GUCY1A2: variants seen among roughly 807,000 people sequenced by gnomAD.
The protein encoded by GUCY1A2 is guanylate cyclase 1 soluble subunit alpha 2, also known as guanylate cyclase soluble subunit alpha-2.
Under a neutral mutation model 63.5 loss-of-function variants are expected in GUCY1A2, and 27 were observed. The ratio of observed to expected loss-of-function variants is 0.43; its 90% CI spans 0.31 to 0.59. The LOEUF is 0.59. Ranked by LOEUF, GUCY1A2 falls within the 20% of genes least tolerant of loss-of-function variation. The pLI, the probability that GUCY1A2 is intolerant of heterozygous loss-of-function variation, is 0.11. For missense variants in GUCY1A2, 768 were observed against 913.3 expected, an observed-to-expected ratio of 0.84 and a Z score of 2.05; for synonymous variants, 364 against 343.5, an observed-to-expected ratio of 1.06 and a Z score of -0.66.
chr11:106,955,430 GTACCTGGTACTGGTTTTTCCTTTCCA>G (rs1366779797), intron 3 of GUCY1A2, among the ~76,000 whole-genome samples: 2 of 152,294 alleles, frequency 1.3e-5, no homozygotes, highest in East Asian at 3.9e-4. Context: ...TGTTTTTGCA[GTACCTGGTACTGGTTTTTCCTTTCCA>G]TATTTAGTGC....
rs1862413878 is a variant in GUCY1A2 at position 106,680,474 on chromosome 11, G to A, written c.*7075C>T. 4.9e-6 allele frequency: 1 copy of A among 203,930 alleles called. No individual in the cohort carries two copies. The highest frequency in any genetic ancestry group is 1.0e-5 in the Non-Finnish European group (1 of 99,688). 12.6% of individuals were successfully genotyped at this position (203,930 alleles called of 1,614,324 possible). On this transcript the variant is annotated 3_prime_UTR_variant, in exon 8 of 8. Transcript: ENST00000526355. ...ACCTGCCATTTGGTTTTTCTTTTCT[G>A]CTTTTAAATAATAAGCAACAATACT...
chr11:106,912,643 T>C (rs1860311707), intron 4 of GUCY1A2, among the ~76,000 whole-genome samples: 1 of 152,114 alleles, frequency 6.6e-6, no homozygotes, highest in African/African-American at 2.4e-5. Flanking sequence ...GGCTTGAGAA[T>C]AAGCTTGGCA....
chr11:106,775,683 C>T (rs1427183886), intron 6 of GUCY1A2, among the ~76,000 whole-genome samples: 1 of 150,806 alleles, frequency 6.6e-6, no homozygotes, highest in Non-Finnish European at 1.5e-5. Flanking sequence ...TTAGCCATTT[C>T]CTGTGCCCGC....
intron 4 of GUCY1A2, among the ~76,000 whole-genome samples, chr11:106,879,323 T>C (rs1565318398): frequency 1.3e-5 from 2 of 152,112 alleles, no homozygotes; most frequent in Admixed American, 6.6e-5. Flanking sequence ...GCTACTGTCC[T>C]TGTCCTCTAG....
At chr11:106,859,124 G>T (rs1859474864) in intron 4 of GUCY1A2, among the ~76,000 whole-genome samples, 1 of 151,988 alleles carries the variant, frequency 6.6e-6, no homozygotes, top group Non-Finnish European at 1.5e-5. Context: ...TAAAATTAAT[G>T]AATTCAGATT....
At chr11:106,742,223 GCAGGTTTGTTA>G (rs1863706583) in intron 6 of GUCY1A2, among the ~76,000 whole-genome samples, 1 of 152,158 alleles carries the variant, frequency 6.6e-6, no homozygotes, top group African/African-American at 2.4e-5. Context: ...TGCAGGATGT[GCAGGTTTGTTA>G]CACAGATAAA....
intron 4 of GUCY1A2, among the ~76,000 whole-genome samples, chr11:106,871,787 G>T (rs1859681626): frequency 6.6e-6 from 1 of 152,114 alleles, no homozygotes; most frequent in Admixed American, 6.6e-5. Context: ...TATACTATTT[G>T]ATCTGGGTAA....
In GUCY1A2 at chr11:106,681,502, G is replaced by T. The variant is rs780241973; in HGVS notation, c.*6047C>A. On this transcript the variant is annotated 3_prime_UTR_variant, in exon 8 of 8. Transcript: ENST00000526355. Reference sequence around the variant, plus strand: ...TACACAAATCTCTTTGACAGGAATAGAAATCATATTTTTATAGCCATGTTT... The same window carrying T: ...TACACAAATCTCTTTGACAGGAATATAAATCATATTTTTATAGCCATGTTT... 7.7e-5 allele frequency: 17 copies of T among 220,126 alleles called. No individual in the cohort carries two copies. Among genetic ancestry groups the T allele is most frequent in the Non-Finnish European group, 1.5e-4 (16 of 109,828 alleles). 13.6% of individuals were successfully genotyped at this position (220,126 alleles called of 1,614,324 possible).
At chr11:106,854,486 G>A (rs1474769715) in intron 4 of GUCY1A2, among the ~76,000 whole-genome samples, 2 of 152,156 alleles carry the variant, frequency 1.3e-5, no homozygotes, top group African/African-American at 4.8e-5. Context: ...AGTGGACAAG[G>A]GGGCATGTGG....
intron 5 of GUCY1A2, among the ~76,000 whole-genome samples, chr11:106,793,388 G>T (rs929455806): frequency 3.3e-5 from 5 of 152,126 alleles, no homozygotes; most frequent in Admixed American, 2.0e-4. Context: ...TCCCAAAACT[G>T]TAAAACTTTT....
intron 1 of GUCY1A2, among the ~76,000 whole-genome samples, chr11:107,001,995 G>C (rs1369471940): frequency 6.6e-6 from 1 of 151,582 alleles, no homozygotes; most frequent in Non-Finnish European, 1.5e-5. Context: ...CAGCAGCCTG[G>C]GCGACAGAGT....
intron 6 of GUCY1A2, among the ~76,000 whole-genome samples, chr11:106,713,707 C>T (rs180978846): frequency 4.0e-5 from 6 of 151,784 alleles, no homozygotes; most frequent in Admixed American, 2.6e-4. Flanking sequence ...AGGGTTTTAC[C>T]GTGTTAGCCA....
At chr11:106,931,544 T>G (rs1860602202) in intron 4 of GUCY1A2, among the ~76,000 whole-genome samples, 1 of 151,324 alleles carries the variant, frequency 6.6e-6, no homozygotes, top group Admixed American at 6.6e-5. Flanking sequence ...TATGTGAATG[T>G]TCATTGCAAC....
Position 106,774,194 on chromosome 11 carries a change from C to T in GUCY1A2, c.1836+2245G>A, listed in dbSNP as rs554469271. 1.6e-3 allele frequency among the ~76,000 whole-genome samples: 247 copies of T among 151,594 alleles called. 1 individual carries two copies. The highest frequency in any genetic ancestry group is 6.9e-3 in the Admixed American group (105 of 15,212). Reference sequence around the variant, plus strand: ...TGTCACCCAGGCTGGAGTGCAGTGGCGCATCTCGGTTCACGGCAACCTCTG... The same window carrying T: ...TGTCACCCAGGCTGGAGTGCAGTGGTGCATCTCGGTTCACGGCAACCTCTG... On this transcript the variant is annotated intron_variant, in intron 6 of 7. Transcript: ENST00000526355.
In GUCY1A2 at chr11:106,939,558, T is replaced by C; in HGVS notation, c.1108A>G (p.Lys370Glu). The change falls in exon 4 of 8, where the codon AAG becomes GAG. Residue 370 changes from lysine to glutamate, a missense_variant. By Grantham distance (56) the Lys-to-Glu change is moderately conservative. Transcript: ENST00000526355. ...FEDCFEIVSP[K>E]VNATFERVLL... is the part of the protein sequence containing the mutation. ...ACCCTTTCAAAGGTGGCATTAACCT[T>C]TGGAGATACAATCTCGAAGCAGTCC... 18 of 1,614,022 alleles carry C rather than the reference T, an allele frequency of 1.1e-5. No homozygotes were observed. Among genetic ancestry groups the C allele is most frequent in the Non-Finnish European group, 1.5e-5 (18 of 1,179,860 alleles).
intron 4 of GUCY1A2, among the ~76,000 whole-genome samples, chr11:106,834,392 C>T (rs938616181): frequency 1.1e-4 from 16 of 151,920 alleles, no homozygotes; most frequent in African/African-American, 1.7e-4. Flanking sequence ...CAATATTTTA[C>T]GTTGCATCCA....
chr11:106,827,737 T>C (rs1858991112), intron 4 of GUCY1A2: 2 of 1,531,176 alleles, frequency 1.3e-6, no homozygotes, highest in East Asian at 2.2e-5. Context: ...TGCTTGAAAT[T>C]TGTAACTGCT....
chr11:106,888,050 C>T (rs2135476061), intron 4 of GUCY1A2, among the ~76,000 whole-genome samples: 1 of 145,396 alleles, frequency 6.9e-6, no homozygotes, highest in East Asian at 1.9e-4. Context: ...CTGACAAAGT[C>T]TCTCTCTGAA....
chr11:106,828,118 C>T (rs375334031), intron 4 of GUCY1A2, among the ~76,000 whole-genome samples: 2 of 152,126 alleles, frequency 1.3e-5, no homozygotes, highest in East Asian at 3.9e-4. Context: ...TTGTTGGAGG[C>T]ATAATTCGCA....
Sources: gnomAD v4.1 joint callset for allele counts (sites outside exome capture counted in the v4.1 genomes callset) on GRCh38, gnomAD v4.1.1 for gene constraint, MANE v1.5 for transcripts, NCBI Gene and HGNC (gene_info 2026-07-23, HGNC 2026-07-21) for gene names.